The following BACH1 variants were observed in gnomAD, a reference collection of about 807,000 sequenced individuals.
The protein encoded by BACH1 is BTB domain and CNC homolog 1, also known as transcription regulator protein BACH1.
A neutral mutation model predicts 52.9 loss-of-function variants in BACH1; 35 were observed. That is an observed-to-expected ratio of 0.66 (90% confidence interval 0.51 to 0.88). The LOEUF (loss-of-function observed/expected upper bound fraction) is 0.88, where lower values mean the gene tolerates loss of function less well. Ranked by LOEUF, BACH1 falls within the 40% of genes least tolerant of loss-of-function variation. The pLI, the probability that BACH1 is intolerant of heterozygous loss-of-function variation, is 0.00. For synonymous variants in BACH1, 321 were observed against 319.6 expected (o/e 1.00, Z -0.05); for missense variants, 808 against 872.6 (o/e 0.93, Z 0.93).
intron 4 of BACH1, among the ~76,000 whole-genome samples, chr21:29,340,971 A>T (rs559456678): frequency 7.3e-5 from 10 of 136,636 alleles, no homozygotes; most frequent in South Asian, 2.4e-4. Flanking sequence ...ACATCTATTT[A>T]AAAAAAAAAA....
downstream of BACH1, among the ~76,000 whole-genome samples, chr21:29,348,299 G>C (rs2089182262): frequency 6.6e-6 from 1 of 152,122 alleles, no homozygotes; most frequent in Admixed American, 6.5e-5. Context: ...TCACTTTAGA[G>C]TCAGAAGAGT....
chr21:29,324,575 T>C (rs2088888611), intron 2 of BACH1, among the ~76,000 whole-genome samples: 1 of 38,096 alleles, frequency 2.6e-5, no homozygotes, highest in Non-Finnish European at 5.2e-5. Flanking sequence ...TGTGTGTGTG[T>C]GTGTGTGTGT....
chr21:29,309,156 G>A (rs2088691841), intron 1 of BACH1, among the ~76,000 whole-genome samples: 1 of 151,910 alleles, frequency 6.6e-6, no homozygotes, highest in African/African-American at 2.4e-5. Flanking sequence ...TACTTGGGAG[G>A]CTGAGGCATG....
intron 2 of BACH1, among the ~76,000 whole-genome samples, chr21:29,325,002 G>A (rs2088893522): frequency 6.6e-6 from 1 of 152,166 alleles, no homozygotes; most frequent in Non-Finnish European, 1.5e-5. Context: ...GCCTAGGCGA[G>A]TGGATCACGA....
At chr21:29,327,714 G>A (rs1326186962) in intron 3 of BACH1, among the ~76,000 whole-genome samples, 1 of 152,166 alleles carries the variant, frequency 6.6e-6, no homozygotes, top group Non-Finnish European at 1.5e-5. Context: ...CCAGCTACTC[G>A]AGAGGCTGAG....
chr21:29,337,328 A>G (rs2089056392), intron 4 of BACH1, among the ~76,000 whole-genome samples: 3 of 152,218 alleles, frequency 2.0e-5, no homozygotes. Context: ...GCTAGGAAAT[A>G]TATGCATCTG....
downstream of BACH1, among the ~76,000 whole-genome samples, chr21:29,346,633 G>A (rs942877846): frequency 6.6e-6 from 1 of 152,182 alleles, no homozygotes; most frequent in Admixed American, 6.5e-5. Flanking sequence ...TATAGGATAT[G>A]GCTTCTAGGG....
At chr21:29,360,274 G>A (rs766261429) in intron 2 of BACH1, among the ~76,000 whole-genome samples, 2 of 152,174 alleles carry the variant, frequency 1.3e-5, no homozygotes, top group African/African-American at 2.4e-5. Context: ...CTTAGCCTTG[G>A]CAGATAAACT....
chr21:29,305,588 T>A (rs2088647336), intron 1 of BACH1, among the ~76,000 whole-genome samples: 1 of 152,196 alleles, frequency 6.6e-6, no homozygotes, highest in South Asian at 2.1e-4. Context: ...GCTTCTCAGA[T>A]GCCAGTGTGG....
chr21:29,347,114 A>C (rs1314859772), downstream of BACH1, among the ~76,000 whole-genome samples: 1 of 152,212 alleles, frequency 6.6e-6, no homozygotes, highest in Non-Finnish European at 1.5e-5. Flanking sequence ...GGCCAAAAAT[A>C]GCACCCTTTC....
intron 4 of BACH1, among the ~76,000 whole-genome samples, chr21:29,336,410 G>A (rs995151064): frequency 9.2e-5 from 14 of 152,174 alleles, no homozygotes; most frequent in African/African-American, 3.4e-4. Context: ...GGGTAGCTGG[G>A]AAGTGCCAGA....
intron 2 of BACH1, chr21:29,351,525 A>C (rs913626477): frequency 4.4e-6 from 2 of 459,678 alleles, no homozygotes; most frequent in African/African-American, 4.1e-5. Flanking sequence ...TGAAGAAGGA[A>C]CTCGTTTTTT....
chr21:29,343,709 A>C lies in BACH1; in HGVS notation c.*876A>C, dbSNP rs916270736. ...GAATCTGGAGAGCTTACCAACATGT[A>C]AAGCTGTTCATTTTTCCACCGTGGG... On this transcript the variant is annotated 3_prime_UTR_variant, in exon 5 of 5. Transcript: ENST00000286800. The C allele has an allele frequency of 6.6e-6, 1 of 152,208 alleles. No individual in the cohort carries two copies. Among genetic ancestry groups the C allele is most frequent in the African/African-American group, 2.4e-5 (1 of 41,458 alleles). 9.4% of individuals were successfully genotyped at this position (152,208 alleles called of 1,614,324 possible).
intron 1 of BACH1, among the ~76,000 whole-genome samples, chr21:29,300,383 C>T (rs2088590235): frequency 6.6e-6 from 1 of 152,184 alleles, no homozygotes; most frequent in South Asian, 2.1e-4. Flanking sequence ...CATCACATGC[C>T]TCCACTATAA....
At chr21:29,300,342 G>A (rs1346251915) in intron 1 of BACH1, among the ~76,000 whole-genome samples, 1 of 152,190 alleles carries the variant, frequency 6.6e-6, no homozygotes, top group Non-Finnish European at 1.5e-5. Flanking sequence ...CAGCTTGAGA[G>A]GTAATTAGAA....
intron 1 of BACH1, among the ~76,000 whole-genome samples, chr21:29,317,565 A>G (rs139701344): frequency 2.1e-4 from 32 of 152,276 alleles, no homozygotes; most frequent in African/African-American, 6.0e-4. Flanking sequence ...AAGGGGGGCA[A>G]TGGCTTGAGA....
At chr21:29,322,825 A>C (rs1454877388) in intron 2 of BACH1, among the ~76,000 whole-genome samples, 1 of 152,232 alleles carries the variant, frequency 6.6e-6, no homozygotes, top group Non-Finnish European at 1.5e-5. Context: ...AATATCAAGA[A>C]AATGGTAAAA....
intron 1 of BACH1, among the ~76,000 whole-genome samples, chr21:29,303,523 T>A (rs1333770946): frequency 6.6e-6 from 1 of 152,238 alleles, no homozygotes; most frequent in African/African-American, 2.4e-5. Context: ...TGTGGTACCT[T>A]GTAAGTGTGC....
At chr21:29,312,062 T>C (rs1153286) in intron 1 of BACH1, among the ~76,000 whole-genome samples, 100,170 of 152,108 alleles carry the variant, frequency 0.66, 33,364 homozygotes, top group East Asian at 0.82. Flanking sequence ...TCTGGAGAAG[T>C]CTTTATGTCC....
Sources: allele counts gnomAD v4.1 joint callset (sites outside exome capture counted in the v4.1 genomes callset), GRCh38; gene constraint gnomAD v4.1.1; transcripts MANE v1.5; gene names NCBI Gene and HGNC (gene_info 2026-07-23, HGNC 2026-07-21).